SLC7A9: variants seen among roughly 807,000 people sequenced by gnomAD.
SLC7A9 encodes the protein solute carrier family 7 member 9.
In SLC7A9, 38 loss-of-function variants were observed where a neutral mutation model predicts 54.1. The observed-to-expected ratio is 0.70, with a 90% CI of 0.54 to 0.92. The LOEUF is 0.92. Ranked by LOEUF, SLC7A9 falls within the 40% of genes least tolerant of loss-of-function variation. The probability of loss-of-function intolerance (pLI) is 0.00; values close to 1 mark genes in which losing one functional copy is unlikely to be tolerated. For synonymous variants in SLC7A9, 264 were observed against 258.9 expected (o/e 1.02, Z -0.19); for missense variants, 537 against 636.1 (o/e 0.84, Z 1.68).
chr19:32,860,913 T>C (rs1968782008), intron 6 of SLC7A9, among the ~76,000 whole-genome samples: 2 of 151,886 alleles, frequency 1.3e-5, no homozygotes, highest in Admixed American at 1.3e-4. Context: ...TAATCAGGAG[T>C]AGTGAGTCCC....
At chr19:32,862,632 C>T in intron 4 of SLC7A9, 46 bp from the exon 5 acceptor site, 1 of 1,600,876 alleles carries the variant, frequency 6.2e-7, no homozygotes, top group Non-Finnish European at 8.5e-7. Flanking sequence ...TTCAGCAAAG[C>T]CCTGGAGAGA....
chr19:32,868,682 G>A (rs568488356), intron 1 of SLC7A9, 37 bp from the exon 2 acceptor site: 27 of 716,612 alleles, frequency 3.8e-5, no homozygotes, highest in Admixed American at 2.0e-4. Flanking sequence ...CTGCAGGTGG[G>A]GGCCGCTGCC....
At chr19:32,864,948 T>C (rs1968923804) in intron 2 of SLC7A9, among the ~76,000 whole-genome samples, 172 bp from the exon 3 acceptor site, 1 of 152,162 alleles carries the variant, frequency 6.6e-6, no homozygotes, top group African/African-American at 2.4e-5. Context: ...TCCCGGAGCT[T>C]TGCTTATGTT....
chr19:32,853,252 A>G (rs970372728), intron 9 of SLC7A9, among the ~76,000 whole-genome samples: 3 of 152,160 alleles, frequency 2.0e-5, no homozygotes, highest in Non-Finnish European at 4.4e-5. Context: ...AAAAGCAGTT[A>G]TAGAGACAGA....
In SLC7A9 at chr19:32,859,859, C is replaced by T; in HGVS notation, c.855G>A (p.Gln285=). 6.2e-7 allele frequency: 1 copy of T among 1,614,118 alleles called. No homozygotes were observed. The highest frequency in any genetic ancestry group is 8.5e-7 in the Non-Finnish European group (1 of 1,179,952). The change falls in exon 8 of 13, where the codon CAG becomes CAA. Residue 285 remains glutamine, a synonymous_variant. Coordinates refer to ENST00000023064, the MANE Select transcript of SLC7A9 (RefSeq NM_014270.5). ...CACTCACCACAGCCACCGCCTGGGA[C>T]TGCAGGAGTTCGGTGGCAGTCATCA... ...FTVMTATELL[Q]SQAVAVTFGD...
At chr19:32,835,332 T>C (rs1967925816) in intron 11 of SLC7A9, among the ~76,000 whole-genome samples, 1 of 152,076 alleles carries the variant, frequency 6.6e-6, no homozygotes, top group Non-Finnish European at 1.5e-5. Context: ...GAAAAATCAA[T>C]AAAATCAATA....
intron 4 of SLC7A9, among the ~76,000 whole-genome samples, chr19:32,863,426 CTCTTT>C (rs1968865702): frequency 6.6e-6 from 1 of 152,174 alleles, no homozygotes; most frequent in South Asian, 2.1e-4. Flanking sequence ...TGCACCTAGC[CTCTTT>C]TATTTTTTGA....
chr19:32,862,737 C>G (rs1968843644), intron 4 of SLC7A9, 151 bp from the exon 5 acceptor site: 1 of 621,012 alleles, frequency 1.6e-6, no homozygotes, highest in African/African-American at 2.0e-5. Context: ...ATGATCTCAG[C>G]TCACGATCTC....
intron 4 of SLC7A9, chr19:32,862,963 C>T: frequency 6.2e-6 from 1 of 161,516 alleles, no homozygotes; most frequent in Non-Finnish European, 1.3e-5. Flanking sequence ...ACCGAGTGCG[C>T]AGCTTCGGGA....
chr19:32,842,602 GTT>G (rs1277545829), intron 10 of SLC7A9, among the ~76,000 whole-genome samples: 2 of 150,500 alleles, frequency 1.3e-5, no homozygotes, highest in Non-Finnish European at 3.0e-5. Flanking sequence ...GGGTTTTTTT[GTT>G]TTGTTTTGTT....
At chr19:32,863,796 TC>T (rs1039558717) in intron 4 of SLC7A9, among the ~76,000 whole-genome samples, 1 of 152,146 alleles carries the variant, frequency 6.6e-6, no homozygotes, top group African/African-American at 2.4e-5. Context: ...CGAAAAATTA[TC>T]AGGGCGTGGT....
rs2145847370 is a variant in SLC7A9 at position 32,864,755 on chromosome 19, A to C, written c.109T>G (p.Ser37Ala). ...CCAATGATGGTGCCCACGATGATGGAGATGCCACTGATGAGGCCCAGCTGG... is the reference window on the plus strand; with the variant it reads ...CCAATGATGGTGCCCACGATGATGGCGATGCCACTGATGAGGCCCAGCTGG... ...QKELGLISGISIIVGTIIGSG... is the reference protein window; with the variant it reads ...QKELGLISGIAIIVGTIIGSG... Residue 37 changes from serine to alanine, a missense_variant, in exon 3 of 13, where the codon TCC becomes GCC. Physicochemically the swap from Ser to Ala is moderately conservative, Grantham distance 99 (BLOSUM62 1). Transcript: ENST00000023064. The C allele has an allele frequency of 6.2e-7, 1 of 1,614,172 alleles. No individual in the cohort carries two copies. Among genetic ancestry groups the C allele is most frequent in the East Asian group, 2.2e-5 (1 of 44,878 alleles).
intron 11 of SLC7A9, among the ~76,000 whole-genome samples, chr19:32,837,511 A>G (rs61204575): frequency 1.1e-5 from 1 of 91,222 alleles, no homozygotes. Flanking sequence ...AAAAAAAAAA[A>G]AAAAAAAGAA....
Position 32,860,023 on chromosome 19 carries a change from G to A in SLC7A9, c.750-59C>T. ...AGACCACAGCCTCCCGCGGAAGATG[G>A]ACGCCCTCCCTGAGGCCCTCCCAGG... On this transcript the variant is annotated intron_variant, in intron 7 of 12. Coordinates refer to ENST00000023064, the MANE Select transcript of SLC7A9 (RefSeq NM_014270.5). 3.7e-6 allele frequency: 6 copies of A among 1,613,562 alleles called. 1 individual carries two copies. Among genetic ancestry groups the A allele is most frequent in the Non-Finnish European group, 5.1e-6 (6 of 1,179,780 alleles).
Position 32,859,883 on chromosome 19 carries a change from C to T in SLC7A9, c.831G>A (p.Val277=). The T allele has an allele frequency of 6.2e-7, 1 of 1,614,176 alleles. No homozygotes were observed. Among genetic ancestry groups the T allele is most frequent in the Non-Finnish European group, 8.5e-7 (1 of 1,180,044 alleles). Residue 277 remains valine (V), a synonymous_variant, in exon 8 of 13, where the codon GTG becomes GTA. Transcript: ENST00000023064. ...YILMNVSYFT[V]MTATELLQSQ... is the part of the protein sequence containing the mutation. ...ACTGCAGGAGTTCGGTGGCAGTCAT[C>T]ACGGTGAAGTAGGACACGTTCATGA...
Position 32,864,209 on chromosome 19 carries a change from G to A in SLC7A9, c.365C>T (p.Pro122Leu), listed in dbSNP as rs1183956623. 6 of 1,614,232 alleles carry A rather than the reference G, an allele frequency of 3.7e-6. No homozygotes were observed. Among genetic ancestry groups the A allele is most frequent in the Non-Finnish European group, 5.1e-6 (6 of 1,180,026 alleles). Residue 122 changes from proline to leucine, a missense_variant, in exon 4 of 13, where the codon CCC (proline) becomes CTC (leucine). Physicochemically the swap from Pro to Leu is moderately conservative, Grantham distance 98. Transcript: ENST00000023064. Reference sequence around the variant, plus strand: ...GAGGCAGATGATGGCGAAGGACGTGGGCTTAATGACGATCAGGCTGGCCCA... The same window carrying A: ...GAGGCAGATGATGGCGAAGGACGTGAGCTTAATGACGATCAGGCTGGCCCA... The part of the protein sequence containing the change: ...FSWASLIVIK[P>L]TSFAIICLSF...
At chr19:32,855,686 A>G (rs1291957785) in intron 9 of SLC7A9, among the ~76,000 whole-genome samples, 1 of 151,614 alleles carries the variant, frequency 6.6e-6, no homozygotes, top group African/African-American at 2.4e-5. Context: ...TGGGTGACAG[A>G]GCAAGACTCC....
chr19:32,842,651 C>CA (rs1384145948), intron 10 of SLC7A9, among the ~76,000 whole-genome samples: 3 of 142,086 alleles, frequency 2.1e-5, no homozygotes, highest in African/African-American at 7.8e-5. Context: ...CTCACTCTGT[C>CA]ACCCAGGCTC....
At chr19:32,832,059 T>A (rs1201136200) in intron 12 of SLC7A9, among the ~76,000 whole-genome samples, 1 of 152,092 alleles carries the variant, frequency 6.6e-6, no homozygotes, top group East Asian at 1.9e-4. Context: ...GTGGATCACC[T>A]GAGGTCAGGA....
Sources: gnomAD v4.1 joint callset for allele counts (sites outside exome capture counted in the v4.1 genomes callset) on GRCh38, gnomAD v4.1.1 for gene constraint, MANE v1.5 for transcripts, NCBI Gene and HGNC (gene_info 2026-07-23, HGNC 2026-07-21) for gene names.